The following RIT2 variants were observed in gnomAD, a reference collection of about 807,000 sequenced individuals.
The protein encoded by RIT2 is Ras like without CAAX 2, also known as GTP-binding protein Rit2.
Under a neutral mutation model 23.7 loss-of-function variants are expected in RIT2, and 24 were observed. The observed-to-expected ratio is 1.01, with a 90% confidence interval of 0.73 to 1.43. The LOEUF (loss-of-function observed/expected upper bound fraction) is 1.43, where lower values mean the gene tolerates loss of function less well. RIT2 is among the 40% of genes most tolerant of loss of function. RIT2 has a pLI of 0.00. For missense variants in RIT2, 236 were observed against 266.9 expected, an observed-to-expected ratio of 0.88 and a Z score of 0.81; for synonymous variants, 107 against 91.1, an observed-to-expected ratio of 1.17 and a Z score of -0.99.
chr18:42,851,524 G>T (rs1046275903), intron 4 of RIT2, among the ~76,000 whole-genome samples: 2 of 152,106 alleles, frequency 1.3e-5, no homozygotes, highest in African/African-American at 4.8e-5. Context: ...GAAAGGCAAT[G>T]GTTTTCAATT....
At chr18:43,068,385 C>T (rs1912819387) in intron 1 of RIT2, among the ~76,000 whole-genome samples, 1 of 152,160 alleles carries the variant, frequency 6.6e-6, no homozygotes, top group Non-Finnish European at 1.5e-5. Context: ...CCATCTGAAA[C>T]ATATGGATTC....
chr18:43,017,017 G>T (rs959865530), intron 2 of RIT2, among the ~76,000 whole-genome samples: 3 of 151,950 alleles, frequency 2.0e-5, no homozygotes, highest in Non-Finnish European at 4.4e-5. Context: ...TGACACTGGG[G>T]TCAAAAATTA....
At position 43,099,166 on chromosome 18, in the gene RIT2, T is replaced by C. The variant is rs1002068142; in HGVS notation, c.103+16251A>G. 2.0e-5 allele frequency among the ~76,000 whole-genome samples: 3 copies of C among 152,068 alleles called. No individual in the cohort carries two copies. The South Asian group carries it at 6.2e-4, about 31-fold the overall frequency. On this transcript the variant is annotated intron_variant, in intron 1 of 4. Transcript: ENST00000326695. ...AATTTCCTTATCATTTGTCTCTCTT[T>C]GCCTTTCTGAAGGTGTGGGCTCAGG...
At chr18:42,806,154 CTTAAA>C (rs1227134659) in intron 4 of RIT2, among the ~76,000 whole-genome samples, 2 of 147,594 alleles carry the variant, frequency 1.4e-5, no homozygotes, top group African/African-American at 2.5e-5. Flanking sequence ...TAAAAGCATT[CTTAAA>C]TTAAACTGGC....
At chr18:43,064,217 G>T (rs1266014211) in intron 1 of RIT2, among the ~76,000 whole-genome samples, 1 of 152,116 alleles carries the variant, frequency 6.6e-6, no homozygotes, top group Non-Finnish European at 1.5e-5. Context: ...AAAAATGCTA[G>T]CATCTTCGTA....
At chr18:43,040,565 G>T (rs1463545171) in intron 1 of RIT2, among the ~76,000 whole-genome samples, 51 of 152,096 alleles carry the variant, frequency 3.4e-4, no homozygotes, top group Admixed American at 3.3e-3. Flanking sequence ...TGAAGTAAGA[G>T]AATTCAGAGA....
At chr18:42,923,296 G>A (rs998593203) in intron 4 of RIT2, 17 of 303,146 alleles carry the variant, frequency 5.6e-5, no homozygotes, top group African/African-American at 3.7e-4. Context: ...CTACACTTCA[G>A]AAGTCAACAA....
chr18:43,115,241 C>T (rs935679444), intron 1 of RIT2, among the ~76,000 whole-genome samples, 176 bp downstream of exon 1: 3 of 152,164 alleles, frequency 2.0e-5, no homozygotes, highest in African/African-American at 7.2e-5. Flanking sequence ...ATTATCCTGA[C>T]TCATCAGCAT....
intron 1 of RIT2, among the ~76,000 whole-genome samples, chr18:43,052,888 T>C (rs1160631617): frequency 1.3e-5 from 2 of 152,080 alleles, no homozygotes; most frequent in African/African-American, 2.4e-5. Context: ...AACAGTTCTA[T>C]CTTGCCCACC....
chr18:43,068,476 T>C (rs1431436686), intron 1 of RIT2, among the ~76,000 whole-genome samples: 2 of 152,142 alleles, frequency 1.3e-5, no homozygotes, highest in Non-Finnish European at 2.9e-5. Flanking sequence ...TTTATATTTA[T>C]CATTTTATTG....
intron 4 of RIT2, among the ~76,000 whole-genome samples, chr18:42,885,052 T>C (rs1907985671): frequency 6.6e-6 from 1 of 152,194 alleles, no homozygotes; most frequent in African/African-American, 2.4e-5. Flanking sequence ...TTAACTCAAG[T>C]CAGTCTTGAT....
Position 43,029,335 on chromosome 18 carries a change from T to C in RIT2, c.160+4476A>G, listed in dbSNP as rs533373871. On this transcript the variant is annotated intron_variant, in intron 2 of 4. Transcript: ENST00000326695. Reference sequence around the variant, plus strand: ...TCCTTGAAAATAGGACATGTAAGTATAGTTGGAAACTTGTTGGTCTTATGA... The same window carrying C: ...TCCTTGAAAATAGGACATGTAAGTACAGTTGGAAACTTGTTGGTCTTATGA... 5.9e-5 allele frequency among the ~76,000 whole-genome samples: 9 copies of C among 152,114 alleles called. No individual in the cohort carries two copies. The South Asian group carries it at 1.9e-3, about 31-fold the overall frequency.
intron 4 of RIT2, among the ~76,000 whole-genome samples, chr18:42,889,295 C>T (rs1407205168): frequency 1.3e-5 from 2 of 152,008 alleles, no homozygotes; most frequent in Non-Finnish European, 2.9e-5. Context: ...TATCCATCAA[C>T]ATACAGGTGT....
intron 1 of RIT2, among the ~76,000 whole-genome samples, chr18:43,113,737 C>T (rs1409479753): frequency 4.6e-5 from 7 of 152,150 alleles, no homozygotes; most frequent in Admixed American, 4.6e-4. Context: ...ATCAGTCACT[C>T]TATCCCCACA....
At chr18:42,971,519 T>C (rs1910360819) in intron 3 of RIT2, among the ~76,000 whole-genome samples, 1 of 151,884 alleles carries the variant, frequency 6.6e-6, no homozygotes, top group African/African-American at 2.4e-5. Context: ...TCTCCAGCCA[T>C]ATGTAACTAA....
chr18:42,966,594 T>A (rs1156412872), intron 3 of RIT2, among the ~76,000 whole-genome samples: 1 of 152,106 alleles, frequency 6.6e-6, no homozygotes, highest in Admixed American at 6.6e-5. Context: ...GAGAGAAAGC[T>A]AAAGAGGTGA....
At chr18:42,896,155 T>C (rs1031875594) in intron 4 of RIT2, among the ~76,000 whole-genome samples, 5 of 152,118 alleles carry the variant, frequency 3.3e-5, no homozygotes, top group Non-Finnish European at 5.9e-5. Context: ...TCCCAGCTAC[T>C]GGGGAGGCTG....
At chr18:43,057,083 G>C (rs1241371406) in intron 1 of RIT2, among the ~76,000 whole-genome samples, 1 of 151,268 alleles carries the variant, frequency 6.6e-6, no homozygotes, top group Non-Finnish European at 1.5e-5. Flanking sequence ...AAAAATGTAG[G>C]TTGCCAGTGG....
intron 4 of RIT2, among the ~76,000 whole-genome samples, chr18:42,805,218 T>G (rs1271542077): frequency 1.3e-5 from 2 of 152,198 alleles, no homozygotes; most frequent in Non-Finnish European, 2.9e-5. Flanking sequence ...TAACTTTTTA[T>G]GAAAAATAAA....
Sources: gnomAD v4.1 joint callset for allele counts (sites outside exome capture counted in the v4.1 genomes callset) on GRCh38, gnomAD v4.1.1 for gene constraint, MANE v1.5 for transcripts, NCBI Gene and HGNC (gene_info 2026-07-23, HGNC 2026-07-21) for gene names.